The following PTPRT variants were observed in gnomAD, a reference collection of about 807,000 sequenced individuals.
The protein encoded by PTPRT is protein tyrosine phosphatase receptor type T.
PTPRT carries 56 observed loss-of-function variants against 176.8 expected under a neutral mutation model. That is an observed-to-expected ratio of 0.32 (90% confidence interval 0.26 to 0.40). The LOEUF (loss-of-function observed/expected upper bound fraction) is 0.40, where lower values mean the gene tolerates loss of function less well. PTPRT is among the 10% of genes least tolerant of loss of function. The pLI is 1.00. For synonymous variants in PTPRT, 783 were observed against 739.0 expected, an observed-to-expected ratio of 1.06 and a Z score of -0.96; for missense variants, 1,540 against 1,908.2, an observed-to-expected ratio of 0.81 and a Z score of 3.60.
chr20:42,133,198 T>A (rs1988208666), intron 18 of PTPRT, among the ~76,000 whole-genome samples: 1 of 152,222 alleles, frequency 6.6e-6, no homozygotes, highest in Non-Finnish European at 1.5e-5. Context: ...TGAGCATGTT[T>A]AACGTAGGCT....
At chr20:42,155,273 A>C (rs1277438892) in intron 17 of PTPRT, among the ~76,000 whole-genome samples, 1 of 152,214 alleles carries the variant, frequency 6.6e-6, no homozygotes, top group Non-Finnish European at 1.5e-5. Flanking sequence ...TGAGGCTCAG[A>C]TCTATCTGGC....
chr20:42,276,364 A>T (rs1481946375), intron 13 of PTPRT, among the ~76,000 whole-genome samples: 1 of 150,194 alleles, frequency 6.7e-6, no homozygotes, highest in African/African-American at 2.4e-5. Flanking sequence ...GATTTGTAGA[A>T]CTGTACAAGC....
chr20:42,459,519 G>A (rs2070981650), intron 8 of PTPRT, among the ~76,000 whole-genome samples: 1 of 152,316 alleles, frequency 6.6e-6, no homozygotes, highest in Admixed American at 6.5e-5. Flanking sequence ...AGAGCACAGT[G>A]GTTTGGACCT....
At chr20:42,205,889 GA>G (rs775224552) in intron 15 of PTPRT, among the ~76,000 whole-genome samples, 3 of 152,076 alleles carry the variant, frequency 2.0e-5, no homozygotes, top group Non-Finnish European at 4.4e-5. Context: ...TTGAATCCAG[GA>G]TGCTCTGCTG....
chr20:42,214,689 C>T (rs1164309461), intron 15 of PTPRT, among the ~76,000 whole-genome samples: 2 of 152,238 alleles, frequency 1.3e-5, no homozygotes, highest in African/African-American at 4.8e-5. Context: ...ACCAATCACA[C>T]TCTTTCCACT....
intron 27 of PTPRT, 95 bp downstream of exon 27, chr20:42,098,326 C>T: frequency 6.6e-7 from 1 of 1,522,468 alleles, no homozygotes. Context: ...CTGGCTGGGG[C>T]AGATGTGGCA....
At chr20:42,382,641 G>A (rs924001552) in intron 9 of PTPRT, among the ~76,000 whole-genome samples, 1 of 152,168 alleles carries the variant, frequency 6.6e-6, no homozygotes, top group African/African-American at 2.4e-5. Context: ...AATAAATAAT[G>A]GCTGCACATA....
intron 1 of PTPRT, among the ~76,000 whole-genome samples, chr20:42,992,815 G>A (rs1331843985): frequency 6.6e-6 from 1 of 152,100 alleles, no homozygotes; most frequent in Non-Finnish European, 1.5e-5. Flanking sequence ...TGCAGCTAAG[G>A]GCTGGTGAGC....
intron 7 of PTPRT, among the ~76,000 whole-genome samples, chr20:42,540,369 G>A (rs2072556679): frequency 6.6e-6 from 1 of 152,088 alleles, no homozygotes; most frequent in Non-Finnish European, 1.5e-5. Context: ...ACTAAAGAAA[G>A]TGCACCTCCA....
chr20:43,020,517 T>C (rs1238861001), intron 1 of PTPRT, among the ~76,000 whole-genome samples: 3 of 151,974 alleles, frequency 2.0e-5, no homozygotes, highest in Admixed American at 2.0e-4. Context: ...TCTGAAATCT[T>C]AAGAATATTC....
At chr20:42,106,023 GC>G (rs1407583656) in intron 24 of PTPRT, among the ~76,000 whole-genome samples, 2 of 152,220 alleles carry the variant, frequency 1.3e-5, no homozygotes, top group Non-Finnish European at 2.9e-5. Context: ...AAAAGCAGAG[GC>G]CTTTGGGGGT....
intron 7 of PTPRT, among the ~76,000 whole-genome samples, chr20:42,525,393 CTAA>C (rs2072251039): frequency 6.6e-6 from 1 of 152,132 alleles, no homozygotes; most frequent in Non-Finnish European, 1.5e-5. Flanking sequence ...AGCCTTTGTT[CTAA>C]CTCCCCTTAA....
intron 13 of PTPRT, among the ~76,000 whole-genome samples, chr20:42,279,803 G>A (rs563498977): frequency 6.6e-6 from 1 of 152,268 alleles, no homozygotes; most frequent in South Asian, 2.1e-4. Flanking sequence ...CAACCATCTG[G>A]TTCTGTGGGA....
At chr20:42,975,437 G>C (rs1256472645) in intron 1 of PTPRT, among the ~76,000 whole-genome samples, 1 of 152,038 alleles carries the variant, frequency 6.6e-6, no homozygotes, top group Non-Finnish European at 1.5e-5. Context: ...TCTTATTTTT[G>C]TAATCCATTT....
At chr20:42,751,109 C>T (rs1600697545) in intron 6 of PTPRT, among the ~76,000 whole-genome samples, 1 of 152,154 alleles carries the variant, frequency 6.6e-6, no homozygotes, top group Non-Finnish European at 1.5e-5. Flanking sequence ...GAGCTGTGAG[C>T]CAGTCAGCCA....
intron 11 of PTPRT, among the ~76,000 whole-genome samples, chr20:42,322,830 A>G (rs2057820633): frequency 1.3e-5 from 2 of 152,102 alleles, no homozygotes; most frequent in Admixed American, 6.5e-5. Context: ...GCAACCTACA[A>G]AATGGGAGAA....
intron 7 of PTPRT, among the ~76,000 whole-genome samples, chr20:42,656,063 A>T (rs1385933905): frequency 6.6e-6 from 1 of 152,178 alleles, no homozygotes; most frequent in Non-Finnish European, 1.5e-5. Flanking sequence ...CTCAATGCAC[A>T]TGAGCTGGAT....
chr20:42,501,500 T>G (rs2145417435), intron 7 of PTPRT, among the ~76,000 whole-genome samples: 1 of 152,302 alleles, frequency 6.6e-6, no homozygotes, highest in East Asian at 1.9e-4. Context: ...ATATTTACTT[T>G]CTATATACAC....
chr20:42,833,435 A>C (rs922179332), intron 2 of PTPRT, among the ~76,000 whole-genome samples: 16 of 151,524 alleles, frequency 1.1e-4, no homozygotes, highest in African/African-American at 3.6e-4. Context: ...AAATAAAATA[A>C]ATAAAGTGGG....
Sources: allele counts gnomAD v4.1 joint callset (sites outside exome capture counted in the v4.1 genomes callset), GRCh38; gene constraint gnomAD v4.1.1; transcripts MANE v1.5; gene names NCBI Gene and HGNC (gene_info 2026-07-23, HGNC 2026-07-21).